Variants in ADAMTS6 observed in about 807,000 individuals in gnomAD.
The protein encoded by ADAMTS6 is ADAM metallopeptidase with thrombospondin type 1 motif 6.
Under a neutral mutation model 144.3 loss-of-function variants are expected in ADAMTS6, and 23 were observed. The observed-to-expected ratio is 0.16, with a 90% CI of 0.11 to 0.23. The LOEUF is 0.23. Among genes scored for constraint, ADAMTS6 ranks in the 10% least tolerant of loss-of-function variants. ADAMTS6 has a pLI of 1.00. For missense variants in ADAMTS6, 999 were observed against 1,379.6 expected (o/e 0.72, Z 4.37); for synonymous variants, 444 against 457.5 (o/e 0.97, Z 0.38).
intron 9 of ADAMTS6, among the ~76,000 whole-genome samples, chr5:65,323,814 C>T (rs9799983): frequency 0.047 from 7,120 of 152,248 alleles, 206 homozygotes; most frequent in East Asian, 0.11. Flanking sequence ...ACCATTCTAA[C>T]TGGTGTGAGA....
intron 9 of ADAMTS6, among the ~76,000 whole-genome samples, chr5:65,328,517 T>C (rs1236674672): frequency 1.4e-5 from 2 of 137,946 alleles, no homozygotes; most frequent in Non-Finnish European, 3.1e-5. Context: ...GTTTCTGTTT[T>C]AGAAGAGCTT....
At chr5:65,221,351 A>G (rs1165881824) in intron 18 of ADAMTS6, among the ~76,000 whole-genome samples, 4 of 152,230 alleles carry the variant, frequency 2.6e-5, no homozygotes, top group African/African-American at 9.6e-5. Flanking sequence ...TTGAAAATCA[A>G]TCAATTTATT....
intron 7 of ADAMTS6, among the ~76,000 whole-genome samples, chr5:65,376,436 G>A (rs952751328): frequency 6.6e-6 from 1 of 151,500 alleles, no homozygotes; most frequent in Non-Finnish European, 1.5e-5. Context: ...GGGAGACAAA[G>A]GGAGACTCCA....
In ADAMTS6 at chr5:65,150,183, C is replaced by A. The variant is rs1411233262; in HGVS notation, c.*1653G>T. 1 of 152,568 alleles carries A rather than the reference C, an allele frequency of 6.6e-6. No homozygotes were observed. The highest frequency in any genetic ancestry group is 2.4e-5 in the African/African-American group (1 of 41,442). 9.5% of individuals were successfully genotyped at this position (152,568 alleles called of 1,614,324 possible). On this transcript the variant is annotated 3_prime_UTR_variant, in exon 25 of 25. Transcript: ENST00000381055. The stretch of plus-strand genomic sequence containing the variant: ...CCATGATGGAATCAAGTCAAACATG[C>A]TGTTTAACTGAAAGTATTAACCTTA...
chr5:65,230,287 C>CATATATAT (rs70983664), intron 15 of ADAMTS6, among the ~76,000 whole-genome samples: 1 of 64,968 alleles, frequency 1.5e-5, no homozygotes, highest in East Asian at 3.2e-4. Context: ...ATACCTAAAG[C>CATATATAT]ATATATATAT....
Position 65,253,812 on chromosome 5 carries a change from C to CTTTTTT in ADAMTS6, c.1830+6782_1830+6787dup, listed in dbSNP as rs759508097. 8.7e-4 allele frequency among the ~76,000 whole-genome samples: 58 copies of CTTTTTT among 66,998 alleles called. 5 individuals carry two copies. Among genetic ancestry groups the CTTTTTT allele is most frequent in the African/African-American group, 1.8e-3 (27 of 15,388 alleles). 44.0% of individuals were successfully genotyped at this position (66,998 alleles called of 152,430 possible). A position where few individuals can be genotyped will look rare whatever the true frequency, so the allele number is the denominator to read the frequency against. On this transcript the variant is annotated intron_variant, in intron 14 of 24. Coordinates refer to ENST00000381055, the MANE Select transcript of ADAMTS6 (RefSeq NM_197941.4). ...TAAAGTCTTGCTTACAATATTCAAT[C>CTTTTTT]TTTTTTTTTTTTTTTTTTTTTTTTT...
chr5:65,428,131 C>T (rs1330099282), intron 7 of ADAMTS6, among the ~76,000 whole-genome samples: 2 of 145,098 alleles, frequency 1.4e-5, no homozygotes, highest in South Asian at 2.1e-4. Flanking sequence ...GAGGCTGAGG[C>T]AGGAGAATCA....
At chr5:65,242,485 A>G (rs1759275208) in intron 14 of ADAMTS6, among the ~76,000 whole-genome samples, 1 of 152,224 alleles carries the variant, frequency 6.6e-6, no homozygotes, top group South Asian at 2.1e-4. Flanking sequence ...TTTGTAGTCC[A>G]TCAGGTATCT....
chr5:65,372,148 G>A, intron 7 of ADAMTS6, among the ~76,000 whole-genome samples: 1 of 145,822 alleles, frequency 6.9e-6, no homozygotes, highest in Admixed American at 6.6e-5. Context: ...GGAACAACCG[G>A]TACCAGCCAC....
intron 7 of ADAMTS6, among the ~76,000 whole-genome samples, chr5:65,444,833 G>C (rs762577149): frequency 6.6e-6 from 1 of 152,106 alleles, no homozygotes; most frequent in African/African-American, 2.4e-5. Flanking sequence ...TAGCAAGACT[G>C]CATGGTACAA....
chr5:65,314,351 C>T (rs1286722201), intron 9 of ADAMTS6, among the ~76,000 whole-genome samples: 1 of 151,992 alleles, frequency 6.6e-6, no homozygotes, highest in African/African-American at 2.4e-5. Context: ...TACGCGCACA[C>T]ATCCACACCC....
At chr5:65,397,413 T>A (rs1392971503) in intron 7 of ADAMTS6, among the ~76,000 whole-genome samples, 1 of 152,196 alleles carries the variant, frequency 6.6e-6, no homozygotes, top group Non-Finnish European at 1.5e-5. Context: ...TTAGGTTTTT[T>A]AAGTCTATTT....
chr5:65,446,792 C>T (rs917510546), intron 7 of ADAMTS6, among the ~76,000 whole-genome samples: 3 of 152,022 alleles, frequency 2.0e-5, no homozygotes, highest in Admixed American at 6.6e-5. Context: ...CAGTTGCTTA[C>T]GACTAGGGTA....
At chr5:65,244,856 T>C (rs773962829) in intron 14 of ADAMTS6, among the ~76,000 whole-genome samples, 4 of 152,150 alleles carry the variant, frequency 2.6e-5, no homozygotes, top group Non-Finnish European at 5.9e-5. Context: ...AAAAACCTAA[T>C]AGGAACAATT....
chr5:65,410,981 C>T (rs1233522925), intron 7 of ADAMTS6, among the ~76,000 whole-genome samples: 2 of 151,984 alleles, frequency 1.3e-5, no homozygotes, highest in Non-Finnish European at 2.9e-5. Flanking sequence ...GGGAGCACAG[C>T]CGCACACCAC....
At chr5:65,459,627 T>C (rs1176070713) in intron 4 of ADAMTS6, among the ~76,000 whole-genome samples, 1 of 152,194 alleles carries the variant, frequency 6.6e-6, no homozygotes, top group Non-Finnish European at 1.5e-5. Flanking sequence ...CTTTCTCCAC[T>C]TCTACACAGC....
intron 14 of ADAMTS6, among the ~76,000 whole-genome samples, chr5:65,246,863 T>G (rs1376256381): frequency 6.6e-6 from 1 of 152,188 alleles, no homozygotes; most frequent in African/African-American, 2.4e-5. Flanking sequence ...TAGACTCAGT[T>G]GGAATTATAT....
In ADAMTS6 at chr5:65,438,448, A is replaced by G. The variant is rs142813787; in HGVS notation, c.1073+13027T>C. ...GAGGCTGAGGCATGAGAATCGCTTG[A>G]ACCAGGAGGCGGAGGGTGCAGTGAG... On this transcript the variant is annotated intron_variant, in intron 7 of 24. Transcript: ENST00000381055. 6.4e-3 allele frequency among the ~76,000 whole-genome samples: 976 copies of G among 152,264 alleles called. 6 individuals carry two copies. Among genetic ancestry groups the G allele is most frequent in the African/African-American group, 0.021 (861 of 41,550 alleles).
intron 6 of ADAMTS6, 135 bp from the exon 7 acceptor site, chr5:65,451,755 T>G (rs566543796): frequency 4.0e-5 from 40 of 1,011,666 alleles, no homozygotes; most frequent in Middle Eastern, 4.5e-4. Context: ...TTTTTATCTC[T>G]GTAATATCTG....
Sources: allele counts gnomAD v4.1 joint callset (sites outside exome capture counted in the v4.1 genomes callset), GRCh38; gene constraint gnomAD v4.1.1; transcripts MANE v1.5; gene names NCBI Gene and HGNC (gene_info 2026-07-23, HGNC 2026-07-21).